The following TNFAIP8L3 variants were observed in gnomAD, a reference collection of about 807,000 sequenced individuals.
The protein encoded by TNFAIP8L3 is TNF alpha induced protein 8 like 3, also known as tumor necrosis factor alpha-induced protein 8-like protein 3.
TNFAIP8L3 carries 7 observed loss-of-function variants against 11.8 expected under a neutral mutation model. The ratio of observed to expected loss-of-function variants is 0.59; its 90% CI spans 0.34 to 1.11. The LOEUF is 1.11. Ranked by LOEUF, TNFAIP8L3 falls within the 50% of genes most tolerant of loss-of-function variation. TNFAIP8L3 has a pLI of 0.03. For synonymous variants in TNFAIP8L3, 98 were observed against 103.8 expected (o/e 0.94, Z 0.34); for missense variants, 219 against 258.6 (o/e 0.85, Z 1.05).
At chr15:51,086,065 C>G (rs895642323) in intron 1 of TNFAIP8L3, among the ~76,000 whole-genome samples, 2 of 152,158 alleles carry the variant, frequency 1.3e-5, no homozygotes, top group African/African-American at 4.8e-5. Flanking sequence ...CTCCTCAAGT[C>G]CTGCTGGTCA....
At chr15:51,089,162 A>C (rs1325988087) in intron 1 of TNFAIP8L3, among the ~76,000 whole-genome samples, 2 of 152,080 alleles carry the variant, frequency 1.3e-5, no homozygotes, top group Admixed American at 1.3e-4. Context: ...AACCTTGTAC[A>C]TGCTGCTGAC....
rs1207020025 is a variant in TNFAIP8L3 at position 51,094,578 on chromosome 15, C to T, written c.18G>A (p.Gly6=). 2.0e-6 allele frequency: 3 copies of T among 1,501,890 alleles called. No individual in the cohort carries two copies. The highest frequency in any genetic ancestry group is 1.8e-4 in the Middle Eastern group (1 of 5,686). The allele number at this position is 1,501,890 out of a possible 1,614,324, so 93.0% of individuals were successfully genotyped here. A position where few individuals can be genotyped will look rare whatever the true frequency, so the allele number is the denominator to read the frequency against. MDSDS[G]EQSEGEPVTA... Reference sequence around the variant, plus strand: ...TCACGGGCTCGCCCTCGCTCTGCTCCCCGGAATCCGAATCCATGCTGCGGG... The same window carrying T: ...TCACGGGCTCGCCCTCGCTCTGCTCTCCGGAATCCGAATCCATGCTGCGGG... Residue 6 remains glycine (G), a synonymous_variant, in exon 1 of 2, where the codon GGG becomes GGA. Transcript: ENST00000637513. This position sits in a 1 kb window ranked among gnomAD's most constrained non-coding sequence, Gnocchi z 4.4.
chr15:51,103,397 T>C (rs2065567438), intron 1 of TNFAIP8L3, among the ~76,000 whole-genome samples: 1 of 152,252 alleles, frequency 6.6e-6, no homozygotes, highest in Non-Finnish European at 1.5e-5. Context: ...GGATATCAAC[T>C]TTATTTCATT....
chr15:51,105,146 G>C, exon 1 of TNFAIP8L3: 1 of 1,613,980 alleles, frequency 6.2e-7, no homozygotes, highest in South Asian at 1.1e-5. Flanking sequence ...GTGGAAACCA[G>C]TGTGCTTGGG....
upstream of TNFAIP8L3, among the ~76,000 whole-genome samples, chr15:51,096,374 A>G (rs548391549): frequency 5.3e-5 from 8 of 152,314 alleles, no homozygotes; most frequent in African/African-American, 1.9e-4. Context: ...CCCACAGTGG[A>G]TGTGTTATCT....
At chr15:51,077,330 C>G (rs555875745) in intron 1 of TNFAIP8L3, among the ~76,000 whole-genome samples, 2 of 152,190 alleles carry the variant, frequency 1.3e-5, no homozygotes, top group African/African-American at 4.8e-5. Flanking sequence ...CCTGTGCTGA[C>G]GTAGCTGTGG....
intron 1 of TNFAIP8L3, among the ~76,000 whole-genome samples, chr15:51,068,013 T>C (rs2065282664): frequency 6.6e-6 from 1 of 152,248 alleles, no homozygotes; most frequent in Non-Finnish European, 1.5e-5. Flanking sequence ...CAAATACTTT[T>C]ACTTGCCTTG....
At position 51,070,902 on chromosome 15, in the gene TNFAIP8L3, T is replaced by C. The variant is rs1196684571; in HGVS notation, c.53-12459A>G. Among the ~76,000 whole-genome samples, 3 of 113,132 alleles carry C rather than the reference T, an allele frequency of 2.7e-5. No individual in the cohort carries two copies. In the South Asian group the frequency reaches 9.3e-4, roughly 35 times the overall value. 74.2% of individuals were successfully genotyped at this position (113,132 alleles called of 152,430 possible). On this transcript the variant is annotated intron_variant, in intron 1 of 1. Coordinates refer to ENST00000637513, the MANE Select transcript of TNFAIP8L3 (RefSeq NM_001311175.2). ...TCTACTAAAAATACAAAAAAAAAAATTAGCCGGGCGTAGTGGCGGGCGCCT... is the reference window on the plus strand; with the variant it reads ...TCTACTAAAAATACAAAAAAAAAAACTAGCCGGGCGTAGTGGCGGGCGCCT...
chr15:51,059,716 T>A (rs1172070869), intron 1 of TNFAIP8L3, among the ~76,000 whole-genome samples: 1 of 152,242 alleles, frequency 6.6e-6, no homozygotes, highest in African/African-American at 2.4e-5. Flanking sequence ...TACACCAAAC[T>A]GATACTAAGA....
At chr15:51,065,136 C>T (rs2065262151) in intron 1 of TNFAIP8L3, among the ~76,000 whole-genome samples, 1 of 152,154 alleles carries the variant, frequency 6.6e-6, no homozygotes, top group South Asian at 2.1e-4. Flanking sequence ...CAAATTCATC[C>T]TGGTAGAAAG....
chr15:51,096,905 A>G (rs987378318), upstream of TNFAIP8L3, among the ~76,000 whole-genome samples: 9 of 151,874 alleles, frequency 5.9e-5, no homozygotes, highest in African/African-American at 2.2e-4. Context: ...AAAAAAAAAA[A>G]AAAAAAAGAA....
chr15:51,095,741 T>C (rs1382277290), upstream of TNFAIP8L3, among the ~76,000 whole-genome samples: 4 of 152,162 alleles, frequency 2.6e-5, no homozygotes, highest in Non-Finnish European at 5.9e-5. Context: ...TTTTTTGTTG[T>C]TGTTAATTCT....
chr15:51,096,344 G>C (rs2065513663), upstream of TNFAIP8L3, among the ~76,000 whole-genome samples: 1 of 152,206 alleles, frequency 6.6e-6, no homozygotes, highest in African/African-American at 2.4e-5. Flanking sequence ...GATGGATATT[G>C]ATGAAATGGT....
chr15:51,063,125 G>T (rs1353101500), intron 1 of TNFAIP8L3, among the ~76,000 whole-genome samples: 1 of 152,184 alleles, frequency 6.6e-6, no homozygotes, highest in African/African-American at 2.4e-5. Flanking sequence ...TTTTAGCTCT[G>T]TAAAATCCAT....
At chr15:51,084,586 G>A (rs1408097709) in intron 1 of TNFAIP8L3, among the ~76,000 whole-genome samples, 1 of 152,152 alleles carries the variant, frequency 6.6e-6, no homozygotes, top group African/African-American at 2.4e-5. Flanking sequence ...AACATGTGTG[G>A]AGGAGTTTTC....
chr15:51,064,310 G>A (rs527786820), intron 1 of TNFAIP8L3, among the ~76,000 whole-genome samples: 1 of 152,246 alleles, frequency 6.6e-6, no homozygotes, highest in Admixed American at 6.5e-5. Flanking sequence ...AAGTCTTGAG[G>A]TCAGTTAAAT....
chr15:51,073,260 T>G (rs1419893567), intron 1 of TNFAIP8L3, among the ~76,000 whole-genome samples: 1 of 152,206 alleles, frequency 6.6e-6, no homozygotes, highest in Non-Finnish European at 1.5e-5. Flanking sequence ...CCTCCCAAAG[T>G]GCTGGGACTA....
intron 1 of TNFAIP8L3, among the ~76,000 whole-genome samples, chr15:51,080,090 G>A (rs1006670956): frequency 2.6e-5 from 4 of 152,068 alleles, no homozygotes; most frequent in African/African-American, 9.7e-5. Context: ...TACTACAGAA[G>A]GTGAAAACTT....
chr15:51,085,137 C>T (rs1245913449), intron 1 of TNFAIP8L3, among the ~76,000 whole-genome samples: 1 of 151,974 alleles, frequency 6.6e-6, no homozygotes, highest in Non-Finnish European at 1.5e-5. Context: ...AAGTTAAATC[C>T]TAAAGGTAGA....
Sources: allele counts gnomAD v4.1 joint callset (sites outside exome capture counted in the v4.1 genomes callset), GRCh38; gene constraint gnomAD v4.1.1; non-coding constraint Gnocchi (gnomAD v3.1); transcripts MANE v1.5; gene names NCBI Gene and HGNC (gene_info 2026-07-23, HGNC 2026-07-21).